PTPRZ1: variants seen among roughly 807,000 people sequenced by gnomAD.
PTPRZ1 encodes the protein protein tyrosine phosphatase receptor type Z1, also known as receptor-type tyrosine-protein phosphatase zeta.
Under a neutral mutation model 214.1 loss-of-function variants are expected in PTPRZ1, and 82 were observed. The observed-to-expected ratio is 0.38, with a 90% CI of 0.32 to 0.46. PTPRZ1 has a LOEUF of 0.46. PTPRZ1 is among the 20% of genes least tolerant of loss of function. The probability of loss-of-function intolerance (pLI) is 1.00; values close to 1 mark genes in which losing one functional copy is unlikely to be tolerated. For missense variants in PTPRZ1, 2,603 were observed against 2,748.7 expected (o/e 0.95, Z 1.19); for synonymous variants, 945 against 987.9 (o/e 0.96, Z 0.81).
rs746943265 is a variant in PTPRZ1, at chr7:122,061,116, C to T, written c.6844C>T (p.Leu2282Phe). ...GTTTCTCTACAAAGTGATCCTCAGC[C>T]TTGTGAGCACAAGGCAGGAAGAGAA... ...YQFLYKVILS[L>F]VSTRQEENPS... The change falls in exon 30 of 30, where the codon CTT becomes TTT. Residue 2282 changes from leucine to phenylalanine, a missense_variant. By Grantham distance (22) the Leu-to-Phe change is conservative (BLOSUM62 0). Transcript: ENST00000393386. 2.5e-5 allele frequency: 40 copies of T among 1,611,252 alleles called. No homozygotes were observed. Among genetic ancestry groups the T allele is most frequent in the Non-Finnish European group, 3.3e-5 (39 of 1,177,998 alleles).
chr7:121,916,736 C>G (rs1795439374), intron 1 of PTPRZ1, among the ~76,000 whole-genome samples: 1 of 152,196 alleles, frequency 6.6e-6, no homozygotes, highest in Admixed American at 6.5e-5. Flanking sequence ...TTGGGAAATG[C>G]TGTTGCAGCA....
chr7:121,996,212 G>C (rs1798129104), intron 8 of PTPRZ1, among the ~76,000 whole-genome samples, 170 bp from the exon 9 acceptor site: 1 of 152,172 alleles, frequency 6.6e-6, no homozygotes, highest in Non-Finnish European at 1.5e-5. Context: ...GGGGTGGAAA[G>C]AGTATTTTAG....
intron 2 of PTPRZ1, among the ~76,000 whole-genome samples, chr7:121,949,411 T>G (rs1259104570): frequency 6.6e-6 from 1 of 152,172 alleles, no homozygotes; most frequent in African/African-American, 2.4e-5. Context: ...ACATATGAAT[T>G]ACTGTTGTTA....
At chr7:122,003,560 T>G (rs1798388397) in intron 10 of PTPRZ1, among the ~76,000 whole-genome samples, 1 of 152,186 alleles carries the variant, frequency 6.6e-6, no homozygotes, top group South Asian at 2.1e-4. Context: ...TACCTTGAAA[T>G]TTCTATAGAG....
At chr7:121,919,436 T>C (rs1351349277) in intron 1 of PTPRZ1, among the ~76,000 whole-genome samples, 1 of 152,122 alleles carries the variant, frequency 6.6e-6, no homozygotes, top group Non-Finnish European at 1.5e-5. Context: ...TATCAATAGC[T>C]TAATTTTACA....
At chr7:121,873,759 G>T (rs937516594) in intron 1 of PTPRZ1, among the ~76,000 whole-genome samples, 1 of 151,966 alleles carries the variant, frequency 6.6e-6, no homozygotes, top group Non-Finnish European at 1.5e-5. Flanking sequence ...CCCGCCCCGC[G>T]CCCTCGCCCC....
intron 22 of PTPRZ1, 99 bp from the exon 23 acceptor site, chr7:122,044,323 A>G: frequency 1.4e-6 from 2 of 1,419,344 alleles, no homozygotes; most frequent in South Asian, 2.6e-5. Flanking sequence ...CCCATTCTGT[A>G]AAACTCTCCT....
intron 13 of PTPRZ1, among the ~76,000 whole-genome samples, chr7:122,025,243 T>A (rs1799174237): frequency 1.3e-5 from 2 of 151,702 alleles, no homozygotes; most frequent in South Asian, 4.1e-4. Flanking sequence ...ATACTTAAAA[T>A]AAATAATGTA....
chr7:121,894,567 G>A (rs903666532), intron 1 of PTPRZ1, among the ~76,000 whole-genome samples: 5 of 152,000 alleles, frequency 3.3e-5, no homozygotes, highest in Admixed American at 1.3e-4. Flanking sequence ...TTCCATGCCC[G>A]GCTAATTTTT....
chr7:122,019,175 A>T lies in PTPRZ1; in HGVS notation c.4895A>T (p.Glu1632Val), dbSNP rs780934264. 1 of 1,612,320 alleles carries T rather than the reference A, an allele frequency of 6.2e-7. No homozygotes were observed. Among genetic ancestry groups the T allele is most frequent in the East Asian group, 2.2e-5 (1 of 44,860 alleles). ...CGTATTGGTCTAGCTGAGGGGTTGG[A>T]ATCCGAGAAGAAGGCAGTTATACCC... ...ESRIGLAEGL[E>V]SEKKAVIPLV... is the part of the protein sequence containing the mutation. The change falls in exon 13 of 30, where the codon GAA becomes GTA. Residue 1632 changes from glutamate (E) to valine (V), a missense_variant. Physicochemically the swap from Glu to Val is moderately radical, Grantham distance 121. Transcript: ENST00000393386.
chr7:122,058,259 C>T (rs890603283), intron 27 of PTPRZ1, among the ~76,000 whole-genome samples: 2 of 151,830 alleles, frequency 1.3e-5, no homozygotes, highest in African/African-American at 4.8e-5. Flanking sequence ...AAGCTGGAGG[C>T]GAGAAGTTTA....
At chr7:121,976,484 G>T (rs181743000) in intron 5 of PTPRZ1, among the ~76,000 whole-genome samples, 1 of 152,198 alleles carries the variant, frequency 6.6e-6, no homozygotes, top group Non-Finnish European at 1.5e-5. Flanking sequence ...CTGGGGCAAA[G>T]TGTTCTATTA....
At chr7:121,914,518 T>G (rs1452400769) in intron 1 of PTPRZ1, among the ~76,000 whole-genome samples, 1 of 152,160 alleles carries the variant, frequency 6.6e-6, no homozygotes, top group African/African-American at 2.4e-5. Context: ...GCTAGCTGTG[T>G]GGAGGAAGTT....
chr7:122,060,790 C>T (rs1344487915), intron 29 of PTPRZ1, among the ~76,000 whole-genome samples: 2 of 152,164 alleles, frequency 1.3e-5, no homozygotes, highest in African/African-American at 2.4e-5. Flanking sequence ...CACAAGTTAA[C>T]AGAACCCTGT....
rs1798667644 is a variant in PTPRZ1, at chr7:122,011,639, G to A, written c.2593G>A (p.Gly865Ser). Reference protein sequence around the residue: ...PLHASLPVAGGDLLLEPSLAQ... With the variant: ...PLHASLPVAGSDLLLEPSLAQ... ...GCATGCTTCTCTGCCAGTGGCTGGGGGTGATTTGCTATTAGAGCCCAGCCT... is the reference window on the plus strand; with the variant it reads ...GCATGCTTCTCTGCCAGTGGCTGGGAGTGATTTGCTATTAGAGCCCAGCCT... Residue 865 changes from glycine (G) to serine (S), a missense_variant, in exon 12 of 30, where the codon GGT becomes AGT. Around this residue, in one of 6 missense-constraint regions of PTPRZ1, gnomAD observed 1,913 missense variants for 1,914.3 expected, o/e 1.00. Transcript: ENST00000393386. The A allele has an allele frequency of 8.7e-6, 14 of 1,614,036 alleles. No homozygotes were observed. The East Asian group carries it at 3.1e-4, about 36-fold the overall frequency.
Position 122,013,702 on chromosome 7 carries a change from G to A in PTPRZ1, c.4656G>A (p.Gly1552=), listed in dbSNP as rs1798755718. ...CAAGTGATGAAGAAAGTGGATCAGGGCAAGGTACCTCAGATAGCCTTAATG... is the reference window on the plus strand; with the variant it reads ...CAAGTGATGAAGAAAGTGGATCAGGACAAGGTACCTCAGATAGCCTTAATG... ...VLTSDEESGS[G]QGTSDSLNEN... The change falls in exon 12 of 30, where the codon GGG becomes GGA. Residue 1552 remains glycine, a synonymous_variant. Coordinates refer to ENST00000393386, the MANE Select transcript of PTPRZ1 (RefSeq NM_002851.3). The A allele has an allele frequency of 1.2e-6, 2 of 1,614,208 alleles. No homozygotes were observed. The highest frequency in any genetic ancestry group is 1.7e-6 in the Non-Finnish European group (2 of 1,180,038).
intron 1 of PTPRZ1, among the ~76,000 whole-genome samples, chr7:121,896,584 T>C (rs929993423): frequency 6.6e-6 from 1 of 151,924 alleles, no homozygotes; most frequent in Non-Finnish European, 1.5e-5. Flanking sequence ...CCATCCTGGC[T>C]AACATGGTGA....
rs188184501 is a variant in PTPRZ1, at chr7:122,030,802, A to G, written c.5081-672A>G. On this transcript the variant is annotated intron_variant, in intron 14 of 29. Coordinates refer to ENST00000393386, the MANE Select transcript of PTPRZ1 (RefSeq NM_002851.3). The stretch of plus-strand genomic sequence containing the variant: ...TTCCAGGAAAAGAAAAAAAAATCAG[A>G]ACCAGTTAAAATAATTTGGCCCCTT... Among the ~76,000 whole-genome samples the G allele has an allele frequency of 1.4e-3, 220 of 152,096 alleles. 2 individuals are homozygous for G. Among genetic ancestry groups the G allele is most frequent in the African/African-American group, 5.0e-3 (206 of 41,564 alleles).
intron 2 of PTPRZ1, among the ~76,000 whole-genome samples, chr7:121,965,224 G>A (rs114851948): frequency 1.8e-3 from 269 of 152,260 alleles, no homozygotes; most frequent in African/African-American, 5.9e-3. Flanking sequence ...TTTCTGCTTA[G>A]GGTCTCACAA....
Sources: allele counts gnomAD v4.1 joint callset (sites outside exome capture counted in the v4.1 genomes callset), GRCh38; gene constraint gnomAD v4.1.1; regional missense constraint gnomAD v4.1.1; transcripts MANE v1.5; gene names NCBI Gene and HGNC (gene_info 2026-07-23, HGNC 2026-07-21).